The following KMT2C variants were observed in gnomAD, a reference collection of about 807,000 sequenced individuals.
KMT2C encodes the protein lysine methyltransferase 2C, also known as histone-lysine N-methyltransferase 2C.
A neutral mutation model predicts 507.9 loss-of-function variants in KMT2C; 88 were observed. That is an observed-to-expected ratio of 0.17 (90% CI 0.15 to 0.21). KMT2C has a LOEUF of 0.21. KMT2C is among the 10% of genes least tolerant of loss of function. KMT2C has a pLI of 1.00. For missense variants in KMT2C, 4,954 were observed against 5,957.8 expected, an observed-to-expected ratio of 0.83 and a Z score of 5.55; for synonymous variants, 2,049 against 2,080.8, an observed-to-expected ratio of 0.98 and a Z score of 0.42.
intron 6 of KMT2C, among the ~76,000 whole-genome samples, chr7:152,307,459 G>GT (rs1377664069): frequency 5.3e-5 from 8 of 152,076 alleles, no homozygotes; most frequent in Non-Finnish European, 1.2e-4. Flanking sequence ...TGACACTCCT[G>GT]TGAGTTTTGA....
intron 1 of KMT2C, among the ~76,000 whole-genome samples, chr7:152,398,779 C>T (rs1589731603): frequency 6.6e-6 from 1 of 152,208 alleles, no homozygotes; most frequent in East Asian, 1.9e-4. Context: ...TTTTATGTGA[C>T]ATCTTCTAAT....
Position 152,183,070 on chromosome 7 carries a change from A to G in KMT2C, c.5169T>C (p.Asp1723=), listed in dbSNP as rs1166304820. The G allele has an allele frequency of 1.9e-6, 3 of 1,613,120 alleles. No homozygotes were observed. The highest frequency in any genetic ancestry group is 1.7e-5 in the Admixed American group (1 of 59,920). The change falls in exon 35 of 59, where the codon GAT becomes GAC. Residue 1723 remains aspartate (D), a synonymous_variant. Transcript: ENST00000262189. ...CAATACGAGAGCTGGGATCAATGCT[A>G]TCTTGCTGTTGCTGCCTTTTCATGG... is the stretch of plus-strand genomic sequence containing the variant. ...NDSMKRQQQQ[D]SIDPSSRIDS...
At chr7:152,170,411 A>G (rs1039168364) in intron 40 of KMT2C, among the ~76,000 whole-genome samples, 2 of 152,220 alleles carry the variant, frequency 1.3e-5, no homozygotes, top group South Asian at 2.1e-4. Flanking sequence ...TTCCCCAGAT[A>G]CTGCTTGATA....
intron 2 of KMT2C, among the ~76,000 whole-genome samples, chr7:152,341,048 A>C (rs1290231065): frequency 6.6e-6 from 1 of 152,232 alleles, no homozygotes; most frequent in Non-Finnish European, 1.5e-5. Flanking sequence ...AAACCAACAA[A>C]TTACAACATA....
chr7:152,326,847 C>G (rs1589213215), intron 3 of KMT2C, among the ~76,000 whole-genome samples: 1 of 152,050 alleles, frequency 6.6e-6, no homozygotes, highest in East Asian at 1.9e-4. Context: ...TGCCACTGCA[C>G]TCCAGCCTGG....
chr7:152,309,568 G>A (rs1224477121), intron 6 of KMT2C, among the ~76,000 whole-genome samples: 1 of 139,630 alleles, frequency 7.2e-6, no homozygotes, highest in Non-Finnish European at 1.5e-5. Flanking sequence ...CACCCAGGTT[G>A]GAGTGCAATG....
At chr7:152,142,047 A>C (rs1362161765) in intron 55 of KMT2C, among the ~76,000 whole-genome samples, 4 of 152,208 alleles carry the variant, frequency 2.6e-5, no homozygotes, top group African/African-American at 9.6e-5. Context: ...AAATCAGTTA[A>C]AAATGAGTGG....
intron 9 of KMT2C, among the ~76,000 whole-genome samples, chr7:152,257,863 A>G (rs1225738708): frequency 6.8e-6 from 1 of 147,594 alleles, no homozygotes; most frequent in Non-Finnish European, 1.5e-5. Flanking sequence ...CTACACACAC[A>G]CGCACACACA....
At chr7:152,258,680 C>T (rs1297987320) in intron 9 of KMT2C, among the ~76,000 whole-genome samples, 1 of 152,120 alleles carries the variant, frequency 6.6e-6, no homozygotes, top group East Asian at 1.9e-4. Flanking sequence ...CACCCACTAT[C>T]ATGCCTGGCT....
intron 6 of KMT2C, among the ~76,000 whole-genome samples, chr7:152,299,319 A>AAAAT (rs71294474): frequency 0.12 from 17,119 of 146,638 alleles, 1,127 homozygotes; most frequent in African/African-American, 0.17. Flanking sequence ...TCTATCTCAA[A>AAAAT]AAATAAATAA....
At chr7:152,360,557 G>A (rs939807292) in intron 1 of KMT2C, among the ~76,000 whole-genome samples, 2 of 151,916 alleles carry the variant, frequency 1.3e-5, no homozygotes, top group African/African-American at 4.8e-5. Context: ...TGACCAGCCG[G>A]GCGTAGTGGC....
At chr7:152,301,362 C>T (rs1268652012) in intron 6 of KMT2C, among the ~76,000 whole-genome samples, 2 of 150,574 alleles carry the variant, frequency 1.3e-5, no homozygotes, top group African/African-American at 2.4e-5. Flanking sequence ...ACAAAATATT[C>T]GCTGGGCATG....
chr7:152,368,463 A>G, intron 1 of KMT2C: 1 of 1,225,340 alleles, frequency 8.2e-7, no homozygotes, highest in South Asian at 1.3e-5. Flanking sequence ...AAGTTCAAAA[A>G]CTAAAGGACT....
At chr7:152,250,227 C>T (rs114080077) in intron 12 of KMT2C, among the ~76,000 whole-genome samples, 1,834 of 152,148 alleles carry the variant, frequency 0.012, 42 homozygotes, top group African/African-American at 0.042. Context: ...AGTTATTATA[C>T]GTAAACTTAA....
chr7:152,208,848 C>T (rs1484635288), intron 23 of KMT2C, among the ~76,000 whole-genome samples: 5 of 152,126 alleles, frequency 3.3e-5, no homozygotes, highest in East Asian at 1.9e-4. Context: ...TAATGGCTAT[C>T]GGCTTATGAC....
intron 31 of KMT2C, 61 bp from the exon 32 acceptor site, chr7:152,187,908 A>T: frequency 6.5e-7 from 1 of 1,547,004 alleles, no homozygotes; most frequent in Admixed American, 1.7e-5. Context: ...AGTTGAAGTA[A>T]AGCTGGCCCT....
At position 152,182,049 on chromosome 7, in the gene KMT2C, T is replaced by C. The variant is rs370647106; in HGVS notation, c.5811A>G (p.Gln1937=). ...GCCTATTTGCTGTTGTCTCATTCAT[T>C]TGAAGGGGCCTAGATACCGATGATA... ...TPLSSVSRPL[Q]MNETTANRPS... is the part of the protein sequence containing the mutation. The change falls in exon 36 of 59, where the codon CAA becomes CAG. Residue 1937 remains glutamine, a synonymous_variant. Transcript: ENST00000262189. 144 of 1,614,066 alleles carry C rather than the reference T, an allele frequency of 8.9e-5. No homozygotes were observed. Among genetic ancestry groups the C allele is most frequent in the Non-Finnish European group, 1.1e-4 (134 of 1,180,046 alleles).
intron 6 of KMT2C, among the ~76,000 whole-genome samples, chr7:152,281,356 A>C (rs1260813629): frequency 1.2e-4 from 18 of 152,334 alleles, no homozygotes; most frequent in Admixed American, 3.9e-4. Flanking sequence ...TAAGTTAGCC[A>C]ATAAACTATG....
chr7:152,361,677 T>G (rs1225877781), intron 1 of KMT2C, among the ~76,000 whole-genome samples: 12 of 151,654 alleles, frequency 7.9e-5, no homozygotes, highest in Admixed American at 7.2e-4. Context: ...AGAAAAGGAA[T>G]GAAAACAAAT....
Sources: gnomAD v4.1 joint callset for allele counts (sites outside exome capture counted in the v4.1 genomes callset) on GRCh38, gnomAD v4.1.1 for gene constraint, MANE v1.5 for transcripts, NCBI Gene and HGNC (gene_info 2026-07-23, HGNC 2026-07-21) for gene names.